The following DLG1 variants were observed in gnomAD, a reference collection of about 807,000 sequenced individuals.
DLG1 encodes disks large homolog 1.
A neutral mutation model predicts 123.4 loss-of-function variants in DLG1; 42 were observed. That is an observed-to-expected ratio of 0.34 (90% confidence interval 0.27 to 0.44). The LOEUF is 0.44. Ranked by LOEUF, DLG1 falls within the 20% of genes least tolerant of loss-of-function variation. The probability of loss-of-function intolerance (pLI) is 1.00; values close to 1 mark genes in which losing one functional copy is unlikely to be tolerated. For missense variants in DLG1, 942 were observed against 1,082.6 expected (o/e 0.87, Z 1.82); for synonymous variants, 317 against 356.2 (o/e 0.89, Z 1.24).
chr3:197,230,565 A>T (rs1052219333), intron 4 of DLG1, among the ~76,000 whole-genome samples: 1 of 152,214 alleles, frequency 6.6e-6, no homozygotes, highest in Non-Finnish European at 1.5e-5. Context: ...TTAAGTCCAA[A>T]AGAAGCTAAA....
At chr3:197,245,350 AAGGTG>A (rs1751098482) in intron 4 of DLG1, among the ~76,000 whole-genome samples, 1 of 152,190 alleles carries the variant, frequency 6.6e-6, no homozygotes, top group South Asian at 2.1e-4. Context: ...CCCAGTGAGT[AAGGTG>A]ATCTACTATC....
At chr3:197,153,944 C>T (rs1026017933) in intron 5 of DLG1, among the ~76,000 whole-genome samples, 4 of 152,030 alleles carry the variant, frequency 2.6e-5, no homozygotes, top group Non-Finnish European at 5.9e-5. Flanking sequence ...TTCAAGTGTG[C>T]TGTTTAAATA....
chr3:197,226,684 T>C (rs1740133443), intron 4 of DLG1, among the ~76,000 whole-genome samples: 1 of 152,180 alleles, frequency 6.6e-6, no homozygotes, highest in South Asian at 2.1e-4. Context: ...AAGTTCAGTA[T>C]TTTCTAATAC....
intron 5 of DLG1, among the ~76,000 whole-genome samples, chr3:197,162,052 TAGAC>T (rs1317033032): frequency 2.0e-5 from 3 of 152,332 alleles, no homozygotes; most frequent in Admixed American, 6.5e-5. Flanking sequence ...ACTTGCTTCA[TAGAC>T]AGACTGCAAA....
chr3:197,091,108 G>A (rs1342476730), intron 14 of DLG1, 82 bp from the exon 15 acceptor site: 1 of 877,524 alleles, frequency 1.1e-6, no homozygotes, highest in Non-Finnish European at 1.8e-6. Context: ...TATGTAAACT[G>A]TCCTATAATT....
chr3:197,244,464 T>G (rs1454781994), intron 4 of DLG1, among the ~76,000 whole-genome samples: 1 of 152,184 alleles, frequency 6.6e-6, no homozygotes, highest in African/African-American at 2.4e-5. Context: ...GGTACCCTGT[T>G]TCAATGATTA....
intron 12 of DLG1, among the ~76,000 whole-genome samples, 196 bp from the exon 13 acceptor site, chr3:197,116,279 TA>T (rs1773225584): frequency 6.6e-6 from 1 of 151,692 alleles, no homozygotes; most frequent in Non-Finnish European, 1.5e-5. Flanking sequence ...TAATTTTATA[TA>T]AAAGCAAAAA....
chr3:197,055,738 CTTTGTTT>C (rs1731238317), intron 23 of DLG1, among the ~76,000 whole-genome samples: 13 of 152,118 alleles, frequency 8.5e-5, no homozygotes. Flanking sequence ...AGCACTAGCC[CTTTGTTT>C]TTACTTAATA....
chr3:197,081,201 T>TA (rs1750930015), intron 16 of DLG1, 84 bp from the exon 17 acceptor site: 1 of 1,290,024 alleles, frequency 7.8e-7, no homozygotes, highest in Non-Finnish European at 1.1e-6. Flanking sequence ...GTTATCTTTA[T>TA]AATGGGCATT....
intron 13 of DLG1, among the ~76,000 whole-genome samples, chr3:197,111,415 G>A (rs1474796368): frequency 6.6e-6 from 1 of 152,110 alleles, no homozygotes; most frequent in Non-Finnish European, 1.5e-5. Flanking sequence ...AAATTTATTT[G>A]GACACAAAGT....
At position 197,142,416 on chromosome 3, in the gene DLG1, C is replaced by T. The variant is rs567405902; in HGVS notation, c.588+302G>A. Among the ~76,000 whole-genome samples, 5 of 152,076 alleles carry T rather than the reference C, an allele frequency of 3.3e-5. No individual in the cohort carries two copies. In the South Asian group the frequency reaches 8.3e-4, roughly 25 times the overall value. The stretch of plus-strand genomic sequence containing the variant: ...AGGTGTCTTAGTTGAAATAAATGTA[C>T]TCTAGTAATAGAAGATGTTAACAAT... On this transcript the variant is annotated intron_variant, in intron 7 of 24. Coordinates refer to ENST00000667157, the MANE Select transcript of DLG1 (RefSeq NM_001366207.1).
At chr3:197,243,066 G>C (rs1257869740) in intron 4 of DLG1, among the ~76,000 whole-genome samples, 2 of 152,130 alleles carry the variant, frequency 1.3e-5, no homozygotes, top group Admixed American at 6.6e-5. Context: ...CGTTAGTTAC[G>C]ATCGCAAGAG....
At chr3:197,227,986 AGTT>A (rs1163821619) in intron 4 of DLG1, among the ~76,000 whole-genome samples, 1 of 152,234 alleles carries the variant, frequency 6.6e-6, no homozygotes, top group Non-Finnish European at 1.5e-5. Context: ...TCAGAGCCAT[AGTT>A]GTTAAGCTGT....
rs940230431 is a variant in DLG1, at chr3:197,296,464, T to C, written c.33A>G (p.Ala11=). 2 of 1,613,824 alleles carry C rather than the reference T, an allele frequency of 1.2e-6. No homozygotes were observed. The highest frequency in any genetic ancestry group is 2.2e-5 in the East Asian group (1 of 44,838). The change falls in exon 3 of 25, where the codon GCA becomes GCG. Residue 11 remains alanine (A), a synonymous_variant. Transcript: ENST00000667157. ...AACGATATTCCTCCAAAAGGTGCAA[T>C]GCTCTCTGGGTATCTGAGAAGAAAA... The part of the protein sequence containing the change: MPVRKQDTQR[A]LHLLEEYRSK...
chr3:197,164,749 AAAAAAAG>A (rs1800508145), intron 5 of DLG1, among the ~76,000 whole-genome samples: 1 of 150,956 alleles, frequency 6.6e-6, no homozygotes, highest in Admixed American at 6.6e-5. Flanking sequence ...TAAAAAAAAA[AAAAAAAG>A]AAAAAAAATA....
chr3:197,099,067 T>C (rs1053436294), intron 14 of DLG1, among the ~76,000 whole-genome samples: 1 of 152,202 alleles, frequency 6.6e-6, no homozygotes, highest in Non-Finnish European at 1.5e-5. Flanking sequence ...TTTTGTTTTG[T>C]TTTTAAGGTT....
intron 5 of DLG1, among the ~76,000 whole-genome samples, chr3:197,164,868 G>C (rs1008230284): frequency 3.3e-5 from 5 of 151,800 alleles, no homozygotes; most frequent in African/African-American, 9.7e-5. Flanking sequence ...GTTGCAGTGA[G>C]CAGTGAGATC....
rs554086189 is a variant in DLG1 at position 197,227,245 on chromosome 3, G to C, written c.319-32656C>G. ...CCAGCACTTCAGGTGGCCGAGGTGG[G>C]TGGATCATCTGAGGGTCAGGAGTTC... On this transcript the variant is annotated intron_variant, in intron 4 of 24. Coordinates refer to ENST00000667157, the MANE Select transcript of DLG1 (RefSeq NM_001366207.1). Among the ~76,000 whole-genome samples, 9 of 152,264 alleles carry C rather than the reference G, an allele frequency of 5.9e-5. No individual in the cohort carries two copies. The South Asian group carries it at 1.9e-3, about 32-fold the overall frequency.
At chr3:197,051,928 G>A (rs1488106432) in intron 23 of DLG1, among the ~76,000 whole-genome samples, 4 of 133,696 alleles carry the variant, frequency 3.0e-5, no homozygotes, top group Non-Finnish European at 6.1e-5. Context: ...TGCAACCTCC[G>A]CCTCCTGGGT....
Sources: allele counts gnomAD v4.1 joint callset (sites outside exome capture counted in the v4.1 genomes callset), GRCh38; gene constraint gnomAD v4.1.1; transcripts MANE v1.5; gene names NCBI Gene and HGNC (gene_info 2026-07-23, HGNC 2026-07-21).